RUFY1: variants seen among roughly 807,000 people sequenced by gnomAD.
RUFY1 encodes RUN and FYVE domain-containing protein 1.
A neutral mutation model predicts 94.6 loss-of-function variants in RUFY1; 54 were observed. That is an observed-to-expected ratio of 0.57 (90% confidence interval 0.46 to 0.72). The LOEUF (loss-of-function observed/expected upper bound fraction) is 0.72, where lower values mean the gene tolerates loss of function less well. Among genes scored for constraint, RUFY1 ranks in the 30% least tolerant of loss-of-function variants. The pLI, the probability that RUFY1 is intolerant of heterozygous loss-of-function variation, is 0.00. For missense variants in RUFY1, 883 were observed against 883.9 expected, an observed-to-expected ratio of 1.00 and a Z score of 0.01; for synonymous variants, 396 against 347.3, an observed-to-expected ratio of 1.14 and a Z score of -1.56.
chr5:179,550,635 G>GGGGCCGGGGCCCGGGTCAGCGCTT lies in RUFY1; in HGVS notation c.68_91dup (p.Gly23_Leu30dup), dbSNP rs1409712814. 2.1e-5 allele frequency: 30 copies of GGGGCCGGGGCCCGGGTCAGCGCTT among 1,412,394 alleles called. No individual in the cohort carries two copies. In the East Asian group the frequency reaches 2.3e-4, roughly 11 times the overall value. The allele number at this position is 1,412,394 out of a possible 1,614,324, so 87.5% of individuals were successfully genotyped here. A position where few individuals can be genotyped will look rare whatever the true frequency, so the allele number is the denominator to read the frequency against. On this transcript the variant is annotated inframe_insertion, in exon 1 of 18. Coordinates refer to ENST00000319449, the MANE Select transcript of RUFY1 (RefSeq NM_025158.5). ...GGGAGCTGGAGCCGGAGCTGGAGCC[G>GGGGCCGGGGCCCGGGTCAGCGCTT]GGGCCGGGGCCCGGGTCAGCGCTTG...
At chr5:179,566,791 C>G (rs1397827942) in intron 3 of RUFY1, among the ~76,000 whole-genome samples, 1 of 152,240 alleles carries the variant, frequency 6.6e-6, no homozygotes, top group Non-Finnish European at 1.5e-5. Context: ...TGCAGTGGCT[C>G]ATGCCTGTAA....
chr5:179,608,322 A>G, intron 17 of RUFY1: 5 of 985,602 alleles, frequency 5.1e-6, no homozygotes, highest in Non-Finnish European at 6.0e-6. Flanking sequence ...CAGCTACCCC[A>G]CCCGCTCCCC....
chr5:179,552,795 T>C (rs1761927231), intron 1 of RUFY1, among the ~76,000 whole-genome samples: 1 of 152,238 alleles, frequency 6.6e-6, no homozygotes, highest in African/African-American at 2.4e-5. Flanking sequence ...TGGCACAGAA[T>C]AATAAGTGTT....
chr5:179,554,060 C>T (rs894511469), intron 1 of RUFY1, among the ~76,000 whole-genome samples: 1 of 152,092 alleles, frequency 6.6e-6, no homozygotes, highest in Non-Finnish European at 1.5e-5. Flanking sequence ...AGGGCCAGGC[C>T]CAAGGCTGAC....
At chr5:179,580,196 C>A (rs896080314) in intron 6 of RUFY1, among the ~76,000 whole-genome samples, 4 of 141,410 alleles carry the variant, frequency 2.8e-5, no homozygotes, top group Admixed American at 7.2e-5. Flanking sequence ...GTAAACAAAT[C>A]AAAAAATTCC....
chr5:179,569,146 C>G lies in RUFY1; in HGVS notation c.705-156C>G, dbSNP rs908474476. Reference sequence around the variant, plus strand: ...AGGAGAGGACGGGAGAAAAAGCAGCCGTTGAAGCAGTGAAGAGAAATGAAA... The same window carrying G: ...AGGAGAGGACGGGAGAAAAAGCAGCGGTTGAAGCAGTGAAGAGAAATGAAA... On this transcript the variant is annotated intron_variant, in intron 4 of 17. Coordinates refer to ENST00000319449, the MANE Select transcript of RUFY1 (RefSeq NM_025158.5). 7 of 984,756 alleles carry G rather than the reference C, an allele frequency of 7.1e-6. No individual in the cohort carries two copies. In the African/African-American group the frequency reaches 1.2e-4, roughly 17 times the overall value. 61.0% of individuals were successfully genotyped at this position (984,756 alleles called of 1,614,324 possible).
intron 10 of RUFY1, among the ~76,000 whole-genome samples, chr5:179,593,178 C>T (rs1486516761): frequency 1.3e-5 from 2 of 152,136 alleles, no homozygotes; most frequent in African/African-American, 4.8e-5. Context: ...CGGATTCAAG[C>T]AATCCTCCTG....
Position 179,560,155 on chromosome 5 carries a change from G to A in RUFY1, c.441G>A (p.Gln147=). 3 of 1,614,102 alleles carry A rather than the reference G, an allele frequency of 1.9e-6. No individual in the cohort carries two copies. Among genetic ancestry groups the A allele is most frequent in the Non-Finnish European group, 2.5e-6 (3 of 1,180,002 alleles). The change falls in exon 2 of 18, where the codon CAG becomes CAA. Residue 147 remains glutamine (Q), a synonymous_variant. Coordinates refer to ENST00000319449, the MANE Select transcript of RUFY1 (RefSeq NM_025158.5). ...ATGCGGACCATGCCCCCTTGCAGCAGTTCTTTGTAGTGATGGAGCACTGCC... is the reference window on the plus strand; with the variant it reads ...ATGCGGACCATGCCCCCTTGCAGCAATTCTTTGTAGTGATGGAGCACTGCC... ...SLDADHAPLQ[Q]FFVVMEHCLK...
intron 7 of RUFY1, among the ~76,000 whole-genome samples, chr5:179,582,044 T>C (rs1764204197): frequency 6.6e-6 from 1 of 152,146 alleles, no homozygotes; most frequent in African/African-American, 2.4e-5. Flanking sequence ...GGTCGATTAC[T>C]AGTTTATTGA....
chr5:179,607,213 G>C (rs1407148115), intron 16 of RUFY1: 1 of 252,230 alleles, frequency 4.0e-6, no homozygotes, highest in African/African-American at 2.2e-5. Flanking sequence ...CTAGCACTTC[G>C]GCCAGTGTCT....
Position 179,596,588 on chromosome 5 carries a change from AG to A in RUFY1, c.1543del (p.Ala515LeufsTer37). On this transcript the variant is annotated frameshift_variant, in exon 13 of 18. Coordinates refer to ENST00000319449, the MANE Select transcript of RUFY1 (RefSeq NM_025158.5). LOFTEE classifies it high-confidence loss of function. The stretch of plus-strand genomic sequence containing the variant: ...TTGCAGCACTCGGAGCGGGCGAGGC[AG>A]GGGGCTGAGGAGCGGAGCCACAAGC... ...ERLQHSERAR[Q>X]GAEERSHKLQ... The A allele has an allele frequency of 1.2e-6, 2 of 1,613,448 alleles. No individual in the cohort carries two copies. Among genetic ancestry groups the A allele is most frequent in the Non-Finnish European group, 1.7e-6 (2 of 1,179,960 alleles).
intron 2 of RUFY1, among the ~76,000 whole-genome samples, chr5:179,562,296 T>C (rs143789199): frequency 0.012 from 1,875 of 152,114 alleles, 44 homozygotes; most frequent in African/African-American, 0.043. Context: ...TAACCCCAGC[T>C]ACTCAGGAGG....
At chr5:179,585,714 G>T in intron 7 of RUFY1, 82 bp from the exon 8 acceptor site, 1 of 998,382 alleles carries the variant, frequency 1.0e-6, no homozygotes, top group South Asian at 1.4e-5. Context: ...GGAAATCTAG[G>T]AATCTCTCTT....
At chr5:179,585,656 C>T (rs182925531) in intron 7 of RUFY1, 140 bp from the exon 8 acceptor site, 3 of 629,916 alleles carry the variant, frequency 4.8e-6, no homozygotes, top group Admixed American at 2.8e-5. Context: ...TTAGAATTCT[C>T]ATCTTCTCTG....
At chr5:179,569,225 G>A in intron 4 of RUFY1, 77 bp from the exon 5 acceptor site, 8 of 1,607,042 alleles carry the variant, frequency 5.0e-6, no homozygotes, top group Non-Finnish European at 6.8e-6. Flanking sequence ...CAGGTGAAAA[G>A]GCAGTTCAGG....
At chr5:179,557,563 A>G (rs1055085250) in intron 1 of RUFY1, among the ~76,000 whole-genome samples, 6 of 152,196 alleles carry the variant, frequency 3.9e-5, no homozygotes, top group East Asian at 1.9e-4. Flanking sequence ...TTGCCAATAC[A>G]GTACTTTTTG....
At chr5:179,567,759 C>T (rs1762939683) in intron 4 of RUFY1, among the ~76,000 whole-genome samples, 197 bp downstream of exon 4, 1 of 151,980 alleles carries the variant, frequency 6.6e-6, no homozygotes, top group South Asian at 2.1e-4. Flanking sequence ...CGAAAATTAG[C>T]CAGGTGTGGT....
intron 1 of RUFY1, among the ~76,000 whole-genome samples, chr5:179,554,449 T>G (rs1215920136): frequency 2.0e-5 from 3 of 151,436 alleles, no homozygotes; most frequent in African/African-American, 7.3e-5. Flanking sequence ...GGCAGGAGAA[T>G]CTCTTGAACC....
Position 179,550,713 on chromosome 5 carries a change from C to G in RUFY1, c.144C>G (p.Gly48=), listed in dbSNP as rs573764507. The change falls in exon 1 of 18, where the codon GGC becomes GGG. Residue 48 remains glycine, a synonymous_variant. Transcript: ENST00000319449. ...ACCGAAGCCAGCTGCCCGGCCCAGG[C>G]GACCTGCGGAGCGCAACGAGGCCGC... ...IVDRSQLPGP[G]DLRSATRPRA... is the part of the protein sequence containing the mutation. The G allele has an allele frequency of 1.5e-4, 217 of 1,487,098 alleles. No homozygotes were observed. The highest frequency in any genetic ancestry group is 1.8e-4 in the Middle Eastern group (1 of 5,414). The allele number at this position is 1,487,098 out of a possible 1,614,324, so 92.1% of individuals were successfully genotyped here. A position where few individuals can be genotyped will look rare whatever the true frequency, so the allele number is the denominator to read the frequency against.
Sources: allele counts gnomAD v4.1 joint callset (sites outside exome capture counted in the v4.1 genomes callset), GRCh38; gene constraint gnomAD v4.1.1; transcripts MANE v1.5; gene names NCBI Gene and HGNC (gene_info 2026-07-23, HGNC 2026-07-21).